The following TENM3 variants were observed in gnomAD, a reference collection of about 807,000 sequenced individuals.
TENM3 encodes teneurin-3.
Under a neutral mutation model 255.1 loss-of-function variants are expected in TENM3, and 63 were observed. The observed-to-expected ratio is 0.25, with a 90% CI of 0.20 to 0.30. The LOEUF (loss-of-function observed/expected upper bound fraction) is 0.30, where lower values mean the gene tolerates loss of function less well. TENM3 is among the 10% of genes least tolerant of loss of function. The pLI is 1.00. For synonymous variants in TENM3, 1,306 were observed against 1,322.3 expected (o/e 0.99, Z 0.27); for missense variants, 2,929 against 3,461.1 (o/e 0.85, Z 3.86).
intron 4 of TENM3, among the ~76,000 whole-genome samples, chr4:182,601,606 T>G (rs1747879284): frequency 6.6e-6 from 1 of 152,214 alleles, no homozygotes; most frequent in Admixed American, 6.5e-5. Flanking sequence ...AGCCCCACTA[T>G]GAATATAACA....
chr4:182,623,146 G>A (rs1750458830), intron 4 of TENM3, among the ~76,000 whole-genome samples: 2 of 151,722 alleles, frequency 1.3e-5, no homozygotes, highest in South Asian at 4.2e-4. Flanking sequence ...GAGTAGCTGG[G>A]ACTACAGGCG....
the TENM3 span, among the ~76,000 whole-genome samples, chr4:181,943,108 A>G: frequency 6.6e-6 from 1 of 152,172 alleles, no homozygotes; most frequent in Admixed American, 6.5e-5. Flanking sequence ...ATGTAATTTT[A>G]GGGCAAAGGA....
chr4:182,624,368 C>T (rs1478417083), intron 4 of TENM3, among the ~76,000 whole-genome samples: 1 of 152,214 alleles, frequency 6.6e-6, no homozygotes, highest in Non-Finnish European at 1.5e-5. Context: ...AAACCTGTCG[C>T]TACCTGAGTT....
chr4:182,707,653 A>T (rs1349036621), intron 12 of TENM3: 1 of 152,246 alleles, frequency 6.6e-6, no homozygotes. Context: ...TCGATGAGCC[A>T]CATTTGTCTT....
At chr4:181,785,462 T>C in the TENM3 span, among the ~76,000 whole-genome samples, 2 of 152,116 alleles carry the variant, frequency 1.3e-5, no homozygotes, top group African/African-American at 4.8e-5. Context: ...CCCTAAAAAG[T>C]GTGGTTCAGA....
chr4:181,959,387 G>C, the TENM3 span, among the ~76,000 whole-genome samples: 2 of 152,190 alleles, frequency 1.3e-5, no homozygotes, highest in Non-Finnish European at 2.9e-5. Context: ...TAGCTCCAGT[G>C]TCTGACACAG....
chr4:182,703,070 C>T (rs981863909), intron 12 of TENM3, among the ~76,000 whole-genome samples: 1 of 152,176 alleles, frequency 6.6e-6, no homozygotes, highest in African/African-American at 2.4e-5. Context: ...ATAGACTGTC[C>T]TGCCTCCTGA....
chr4:182,159,726 C>G (rs1432382661), intron 1 of TENM3, among the ~76,000 whole-genome samples: 1 of 152,062 alleles, frequency 6.6e-6, no homozygotes, highest in East Asian at 1.9e-4. Context: ...CAGTCCGGCC[C>G]GTGGATGGCC....
chr4:182,442,364 G>T (rs1772554427), intron 3 of TENM3, among the ~76,000 whole-genome samples: 1 of 152,096 alleles, frequency 6.6e-6, no homozygotes, highest in African/African-American at 2.4e-5. Flanking sequence ...AAATTGTAAA[G>T]GGTTAATATA....
chr4:182,691,530 A>G lies in TENM3; in HGVS notation c.2221+3179A>G, dbSNP rs72993449. On this transcript the variant is annotated intron_variant, in intron 12 of 27. Coordinates refer to ENST00000511685, the MANE Select transcript of TENM3 (RefSeq NM_001080477.4). Reference sequence around the variant, plus strand: ...AATAGGTTATGAATTTGGAGTGTTCACTGAACACCCTGTCTACCTGAAAGG... The same window carrying G: ...AATAGGTTATGAATTTGGAGTGTTCGCTGAACACCCTGTCTACCTGAAAGG... Among the ~76,000 whole-genome samples the G allele has an allele frequency of 3.9e-3, 590 of 152,326 alleles. 4 individuals are homozygous for G. The highest frequency in any genetic ancestry group is 0.013 in the African/African-American group (544 of 41,576).
intron 3 of TENM3, among the ~76,000 whole-genome samples, chr4:182,362,663 C>G (rs1230580343): frequency 5.9e-5 from 9 of 152,292 alleles, no homozygotes; most frequent in Non-Finnish European, 8.8e-5. Flanking sequence ...ACTCCATGAC[C>G]CCTTGCACTT....
chr4:182,294,012 G>A (rs754271386), intron 1 of TENM3, among the ~76,000 whole-genome samples: 20 of 152,040 alleles, frequency 1.3e-4, no homozygotes, highest in Admixed American at 5.9e-4. Context: ...CGCTCCCTGC[G>A]TCCTAGGCCA....
the TENM3 span, among the ~76,000 whole-genome samples, chr4:181,767,389 A>C: frequency 2.0e-5 from 3 of 152,334 alleles, no homozygotes; most frequent in East Asian, 5.8e-4. Flanking sequence ...GGGAGAATAT[A>C]TTCAAGTGAA....
chr4:181,706,410 G>A, the TENM3 span, among the ~76,000 whole-genome samples: 1,059 of 152,186 alleles, frequency 7.0e-3, 9 homozygotes, highest in Middle Eastern at 0.031. Context: ...AGTCATCATC[G>A]TAAAGTCGTC....
At chr4:182,047,019 T>C in the TENM3 span, among the ~76,000 whole-genome samples, 3 of 152,014 alleles carry the variant, frequency 2.0e-5, no homozygotes, top group South Asian at 6.3e-4. Flanking sequence ...GTTGAAAGCT[T>C]TACCTCTAGG....
chr4:182,332,685 C>G (rs1763848668), intron 2 of TENM3, among the ~76,000 whole-genome samples: 1 of 146,980 alleles, frequency 6.8e-6, no homozygotes, highest in African/African-American at 2.5e-5. Flanking sequence ...CAGAGCAAGA[C>G]TCCATCTCAA....
the TENM3 span, among the ~76,000 whole-genome samples, chr4:181,825,843 A>G: frequency 6.6e-6 from 1 of 152,200 alleles, no homozygotes; most frequent in African/African-American, 2.4e-5. Context: ...TGGCTTAAAC[A>G]GACTCAATGA....
In TENM3 at chr4:182,304,361, C is replaced by T. The variant is rs112415006; in HGVS notation, c.-75-19585C>T. 3.1e-3 allele frequency among the ~76,000 whole-genome samples: 475 copies of T among 152,074 alleles called. 3 individuals are homozygous for T. Among genetic ancestry groups the T allele is most frequent in the African/African-American group, 0.011 (441 of 41,492 alleles). ...TCAAGTAGCTGAGATTACAGGTGTG[C>T]GCCACTATGCCCAGCTAATTTTTTG... On this transcript the variant is annotated intron_variant, in intron 1 of 27. Coordinates refer to ENST00000511685, the MANE Select transcript of TENM3 (RefSeq NM_001080477.4).
chr4:182,274,721 A>G (rs1759877237), intron 1 of TENM3, among the ~76,000 whole-genome samples: 1 of 152,208 alleles, frequency 6.6e-6, no homozygotes, highest in Non-Finnish European at 1.5e-5. Context: ...AACTTGCAAG[A>G]TAATGATTAC....
Sources: gnomAD v4.1 joint callset for allele counts (sites outside exome capture counted in the v4.1 genomes callset) on GRCh38, gnomAD v4.1.1 for gene constraint, MANE v1.5 for transcripts, NCBI Gene and HGNC (gene_info 2026-07-23, HGNC 2026-07-21) for gene names.